CACNA1D: variants seen among roughly 807,000 people sequenced by gnomAD.
The protein encoded by CACNA1D is voltage-dependent L-type calcium channel subunit alpha-1D.
A neutral mutation model predicts 257.1 loss-of-function variants in CACNA1D; 55 were observed. That is an observed-to-expected ratio of 0.21 (90% CI 0.17 to 0.27). CACNA1D has a LOEUF of 0.27. CACNA1D is among the 10% of genes least tolerant of loss of function. The pLI, the probability that CACNA1D is intolerant of heterozygous loss-of-function variation, is 1.00. For synonymous variants in CACNA1D, 980 were observed against 1,014.9 expected, an observed-to-expected ratio of 0.97 and a Z score of 0.65; for missense variants, 1,876 against 2,784.0, an observed-to-expected ratio of 0.67 and a Z score of 7.34.
chr3:53,655,175 TC>T (rs2108297850), intron 4 of CACNA1D, among the ~76,000 whole-genome samples: 1 of 152,348 alleles, frequency 6.6e-6, no homozygotes, highest in South Asian at 2.1e-4. Context: ...TGCATAGTAT[TC>T]CTTGGTGTAT....
chr3:53,597,064 A>T (rs1453828192), intron 3 of CACNA1D, among the ~76,000 whole-genome samples: 1 of 152,218 alleles, frequency 6.6e-6, no homozygotes, highest in Non-Finnish European at 1.5e-5. Context: ...ATATACAATT[A>T]TTTAATGTCT....
chr3:53,809,711 A>G (rs1211690758), intron 46 of CACNA1D: 35 of 519,504 alleles, frequency 6.7e-5, no homozygotes, highest in Non-Finnish European at 1.2e-4. Context: ...TTCTGAAGCA[A>G]TTTCATGAAT....
At chr3:53,500,352 T>C (rs1056871103) in intron 2 of CACNA1D, among the ~76,000 whole-genome samples, 22 of 150,722 alleles carry the variant, frequency 1.5e-4, no homozygotes, top group Non-Finnish European at 2.4e-4. Flanking sequence ...GATGGCTGGC[T>C]TGAGCCTGGG....
At chr3:53,645,345 G>C (rs866530963) in intron 3 of CACNA1D, among the ~76,000 whole-genome samples, 3 of 151,998 alleles carry the variant, frequency 2.0e-5, no homozygotes, top group Admixed American at 6.6e-5. Flanking sequence ...GTTTATTTTG[G>C]CTTATGTTGC....
At chr3:53,680,074 A>T (rs553046304) in intron 8 of CACNA1D, among the ~76,000 whole-genome samples, 2 of 152,324 alleles carry the variant, frequency 1.3e-5, no homozygotes, top group South Asian at 4.1e-4. Flanking sequence ...TGTTGGTACC[A>T]TGGTACCTGA....
chr3:53,756,501 C>T (rs983224576), intron 29 of CACNA1D, among the ~76,000 whole-genome samples: 17 of 152,156 alleles, frequency 1.1e-4, no homozygotes, highest in East Asian at 5.8e-4. Flanking sequence ...CAAAAGCATC[C>T]GGGAAAAGCA....
intron 8 of CACNA1D, among the ~76,000 whole-genome samples, chr3:53,700,839 TTTTTC>T (rs980628222): frequency 4.7e-5 from 6 of 127,658 alleles, no homozygotes; most frequent in Non-Finnish European, 8.1e-5. Context: ...GGATCCTTTC[TTTTTC>T]TTTTCTTTTT....
intron 43 of CACNA1D, 151 bp from the exon 44 acceptor site, chr3:53,803,272 G>C: frequency 1.2e-6 from 1 of 803,922 alleles, no homozygotes; most frequent in Non-Finnish European, 2.1e-6. Flanking sequence ...GTTGCCAGAA[G>C]CCGGAACAGT....
intron 9 of CACNA1D, among the ~76,000 whole-genome samples, chr3:53,714,694 C>T (rs1354550719): frequency 2.0e-5 from 3 of 152,182 alleles, no homozygotes; most frequent in African/African-American, 7.2e-5. Context: ...AGTGAAACCA[C>T]AGTACATACT....
intron 3 of CACNA1D, among the ~76,000 whole-genome samples, chr3:53,546,136 A>G (rs1005798083): frequency 6.6e-6 from 1 of 152,174 alleles, no homozygotes; most frequent in African/African-American, 2.4e-5. Flanking sequence ...AGGCCCTTCT[A>G]TGCTGCTTAC....
In CACNA1D at chr3:53,648,606, G is replaced by A. The variant is rs59625852; in HGVS notation, c.484-2173G>A. Reference sequence around the variant, plus strand: ...GATATGGCAGGGAATGGGGCAACGGGGAATCTGGACAGTAAGCAAGGAAGG... The same window carrying A: ...GATATGGCAGGGAATGGGGCAACGGAGAATCTGGACAGTAAGCAAGGAAGG... On this transcript the variant is annotated intron_variant, in intron 3 of 47. Transcript: ENST00000350061. 7.3e-3 allele frequency among the ~76,000 whole-genome samples: 1,114 copies of A among 152,154 alleles called. 12 individuals are homozygous for A. Among genetic ancestry groups the A allele is most frequent in the African/African-American group, 0.025 (1,054 of 41,510 alleles).
intron 3 of CACNA1D, among the ~76,000 whole-genome samples, chr3:53,623,072 T>C (rs1173530852): frequency 6.6e-6 from 1 of 152,198 alleles, no homozygotes; most frequent in Non-Finnish European, 1.5e-5. Context: ...TTTGTATTTT[T>C]ACTAGGGACG....
rs185076107 is a variant in CACNA1D, at chr3:53,734,202, G to T, written c.2622-1172G>T. 2.0e-5 allele frequency among the ~76,000 whole-genome samples: 3 copies of T among 151,348 alleles called. No individual in the cohort carries two copies. The East Asian group carries it at 5.8e-4, about 29-fold the overall frequency. On this transcript the variant is annotated intron_variant, in intron 19 of 47. Coordinates refer to ENST00000350061, the MANE Select transcript of CACNA1D (RefSeq NM_001128840.3). ...ATAGGCCCAAAAGGGAGGACTTGAA[G>T]TGAGGGGTCGCCTTACATAAAGTTG...
At chr3:53,809,484 C>T (rs1035990850) in intron 46 of CACNA1D, 3 of 217,592 alleles carry the variant, frequency 1.4e-5, no homozygotes, top group African/African-American at 2.3e-5. Flanking sequence ...GTGCATCTGC[C>T]GTGGTGGGAT....
chr3:53,682,309 C>T (rs2094436881), intron 8 of CACNA1D, among the ~76,000 whole-genome samples: 1 of 126,230 alleles, frequency 7.9e-6, no homozygotes, highest in South Asian at 2.6e-4. Flanking sequence ...GGAAGGGTTG[C>T]TTGAGGCCGG....
rs1294069715 is a variant in CACNA1D, at chr3:53,793,172, G to T, written c.4923+6220G>T. 1.3e-5 allele frequency among the ~76,000 whole-genome samples: 2 copies of T among 152,220 alleles called. No individual in the cohort carries two copies. The highest frequency in any genetic ancestry group is 2.9e-5 in the Non-Finnish European group (2 of 68,030). On this transcript the variant is annotated intron_variant, in intron 40 of 47. Transcript: ENST00000350061. The surrounding 1 kb of genome is among the most constrained non-coding windows in gnomAD (Gnocchi z 4.1). Reference sequence around the variant, plus strand: ...CCAGCCCCTCCTGAGACTGCTCTGTGACCCAGCAGCTACAGGTCTAGTGCC... The same window carrying T: ...CCAGCCCCTCCTGAGACTGCTCTGTTACCCAGCAGCTACAGGTCTAGTGCC...
intron 3 of CACNA1D, among the ~76,000 whole-genome samples, chr3:53,640,837 G>A (rs751013203): frequency 2.6e-5 from 4 of 152,148 alleles, no homozygotes; most frequent in East Asian, 1.9e-4. Flanking sequence ...AAAGAGTGCC[G>A]TCTGATGACC....
chr3:53,542,755 C>T (rs538585887), intron 3 of CACNA1D, among the ~76,000 whole-genome samples: 15 of 152,126 alleles, frequency 9.9e-5, no homozygotes, highest in African/African-American at 3.6e-4. Flanking sequence ...TACTCAGGGG[C>T]TCTTTAAAGA....
chr3:53,707,758 C>T (rs540187342), intron 9 of CACNA1D, among the ~76,000 whole-genome samples: 2 of 151,572 alleles, frequency 1.3e-5, no homozygotes, highest in African/African-American at 4.9e-5. Flanking sequence ...GCCTAAAATT[C>T]TATTTTAAAC....
Sources: allele counts gnomAD v4.1 joint callset (sites outside exome capture counted in the v4.1 genomes callset), GRCh38; gene constraint gnomAD v4.1.1; non-coding constraint Gnocchi (gnomAD v3.1); transcripts MANE v1.5; gene names NCBI Gene and HGNC (gene_info 2026-07-23, HGNC 2026-07-21).